PPP1R7: variants seen among roughly 807,000 people sequenced by gnomAD.
The protein encoded by PPP1R7 is protein phosphatase 1 regulatory subunit 7, also known as protein phosphatase 1 regulatory subunit 22.
PPP1R7 carries 18 observed loss-of-function variants against 45.2 expected under a neutral mutation model. The observed-to-expected ratio is 0.40, with a 90% confidence interval of 0.28 to 0.59. The LOEUF is 0.59. Ranked by LOEUF, PPP1R7 falls within the 20% of genes least tolerant of loss-of-function variation. PPP1R7 has a pLI of 0.46. For missense variants in PPP1R7, 314 were observed against 455.8 expected, an observed-to-expected ratio of 0.69 and a Z score of 2.83; for synonymous variants, 181 against 183.4, an observed-to-expected ratio of 0.99 and a Z score of 0.11.
At chr2:241,173,991 G>A (rs1356620578) in intron 9 of PPP1R7, among the ~76,000 whole-genome samples, 1 of 146,546 alleles carries the variant, frequency 6.8e-6, no homozygotes, top group Admixed American at 6.8e-5. Context: ...CCTTCTTCAC[G>A]TCTTGTAATT....
chr2:241,162,256 G>A (rs1385261666), intron 6 of PPP1R7, among the ~76,000 whole-genome samples: 1 of 152,202 alleles, frequency 6.6e-6, no homozygotes, highest in Non-Finnish European at 1.5e-5. Context: ...TCCTGCAGTG[G>A]TGTGTGGATT....
In PPP1R7 at chr2:241,162,440, A is replaced by G. The variant is rs566111270; in HGVS notation, c.598-845A>G. On this transcript the variant is annotated intron_variant, in intron 6 of 9. Transcript: ENST00000234038. ...GTCATTAAACATCCTGCTGTAGGCA[A>G]GTCACCATGGGGAGACCAGACAGGG... Among the ~76,000 whole-genome samples the G allele has an allele frequency of 2.0e-5, 3 of 152,348 alleles. No individual in the cohort carries two copies. The East Asian group carries it at 5.8e-4, about 29-fold the overall frequency.
chr2:241,170,840 C>A (rs188289930), intron 9 of PPP1R7, among the ~76,000 whole-genome samples: 2 of 152,166 alleles, frequency 1.3e-5, no homozygotes, highest in Non-Finnish European at 2.9e-5. Context: ...CTGGGAAGAT[C>A]AGAGCCAGAA....
At chr2:241,155,320 G>A (rs1009752641) in intron 2 of PPP1R7, 3 of 152,212 alleles carry the variant, frequency 2.0e-5, no homozygotes, top group African/African-American at 7.2e-5. Context: ...ACTCTCTGCA[G>A]CTTGTCCAAG....
At chr2:241,150,080 T>A, upstream of PPP1R7, 1 of 1,271,856 alleles carries the variant, frequency 7.9e-7, no homozygotes, top group African/African-American at 1.6e-5. Flanking sequence ...GCCCGCACCT[T>A]GCAGCCACGG....
upstream of PPP1R7, chr2:241,150,205 C>T (rs973868119): frequency 3.1e-6 from 4 of 1,275,296 alleles, no homozygotes; most frequent in Admixed American, 7.9e-5. Context: ...CTCCGTCTGC[C>T]TGCAGCTACG....
chr2:241,178,285 GCCTCTGTTTTCAA>G (rs2067941057), intron 9 of PPP1R7, among the ~76,000 whole-genome samples: 1 of 152,166 alleles, frequency 6.6e-6, no homozygotes, highest in Non-Finnish European at 1.5e-5. Context: ...TAACCCTGGC[GCCTCTGTTTTCAA>G]CCACTTTGTC....
chr2:241,163,260 C>T, intron 6 of PPP1R7, 25 bp from the exon 7 acceptor site: 1 of 1,514,594 alleles, frequency 6.6e-7, no homozygotes, highest in Non-Finnish European at 9.2e-7. Flanking sequence ...CTGCAGTACT[C>T]ATTGCTGTTC....
intron 8 of PPP1R7, among the ~76,000 whole-genome samples, chr2:241,166,651 C>G (rs1240084244): frequency 6.6e-6 from 1 of 152,242 alleles, no homozygotes; most frequent in Non-Finnish European, 1.5e-5. Context: ...CCTGTTGGCC[C>G]TCTGCCCTGA....
Position 241,183,583 on chromosome 2 carries a change from T to C in PPP1R7, c.*760T>C, listed in dbSNP as rs545060462. On this transcript the variant is annotated 3_prime_UTR_variant, in exon 10 of 10. Coordinates refer to ENST00000234038, the MANE Select transcript of PPP1R7 (RefSeq NM_002712.3). ...AAGGATCTGAACTCTTGGCCACTGG[T>C]ATAGTGGCCTCCTGTTCTCACCCCA... The C allele has an allele frequency of 2.6e-6, 1 of 381,158 alleles. No individual in the cohort carries two copies. Among genetic ancestry groups the C allele is most frequent in the South Asian group, 2.0e-5 (1 of 50,750 alleles). 23.6% of individuals were successfully genotyped at this position (381,158 alleles called of 1,614,324 possible).
At chr2:241,172,166 T>G (rs2067828006) in intron 9 of PPP1R7, among the ~76,000 whole-genome samples, 1 of 151,792 alleles carries the variant, frequency 6.6e-6, no homozygotes, top group Admixed American at 6.6e-5. Context: ...TTTTTTTTTT[T>G]GCAGTCTATT....
In PPP1R7 at chr2:241,158,555, AG is replaced by A. The variant is rs2067512586; in HGVS notation, c.303+9del. ...AGGTACTGAAGAAAGTGAAGGTGAG[AG>A]GGACTCTTATGAGGGGACTATGACG... On this transcript the variant is annotated splice_region_variant and intron_variant, in intron 4 of 9. Transcript: ENST00000234038. 6.2e-7 allele frequency: 1 copy of A among 1,610,998 alleles called. No individual in the cohort carries two copies. Among genetic ancestry groups the A allele is most frequent in the African/African-American group, 1.3e-5 (1 of 74,878 alleles).
At chr2:241,181,664 C>T (rs531222053) in intron 9 of PPP1R7, among the ~76,000 whole-genome samples, 1 of 152,144 alleles carries the variant, frequency 6.6e-6, no homozygotes, top group African/African-American at 2.4e-5. Flanking sequence ...CAGAGTAGAA[C>T]GCCCCTGCTT....
chr2:241,177,885 T>C (rs891675007), intron 9 of PPP1R7, among the ~76,000 whole-genome samples: 1 of 152,368 alleles, frequency 6.6e-6, no homozygotes, highest in African/African-American at 2.4e-5. Flanking sequence ...ATCTGCCCAC[T>C]GCCCTGCTGG....
At chr2:241,168,904 A>G (rs1363653364) in intron 8 of PPP1R7, among the ~76,000 whole-genome samples, 1 of 152,228 alleles carries the variant, frequency 6.6e-6, no homozygotes, top group Non-Finnish European at 1.5e-5. Context: ...TTGGAATTGG[A>G]ATACCAAAAA....
chr2:241,182,996 C>A lies in PPP1R7; in HGVS notation c.*173C>A. The A allele has an allele frequency of 3.0e-6, 2 of 672,874 alleles. No homozygotes were observed. Among genetic ancestry groups the A allele is most frequent in the Non-Finnish European group, 4.9e-6 (2 of 404,650 alleles). 41.7% of individuals were successfully genotyped at this position (672,874 alleles called of 1,614,324 possible). Reference sequence around the variant, plus strand: ...CGACGTCACACACCATTTTCAGATGCCGTTGCAATTAAATCTTGCCACACT... The same window carrying A: ...CGACGTCACACACCATTTTCAGATGACGTTGCAATTAAATCTTGCCACACT... On this transcript the variant is annotated 3_prime_UTR_variant, in exon 10 of 10. Coordinates refer to ENST00000234038, the MANE Select transcript of PPP1R7 (RefSeq NM_002712.3).
chr2:241,149,725 T>A (rs770269126), upstream of PPP1R7: 266 of 1,548,476 alleles, frequency 1.7e-4, no homozygotes, highest in Non-Finnish European at 2.1e-4. Context: ...AGCGCAGAGC[T>A]CGCCTCTTGG....
chr2:241,159,183 G>A, intron 4 of PPP1R7, 30 bp from the exon 5 acceptor site: 1 of 1,610,024 alleles, frequency 6.2e-7, no homozygotes, highest in Non-Finnish European at 8.5e-7. Context: ...CCCCTTGCCT[G>A]TGTCAATTGT....
intron 6 of PPP1R7, among the ~76,000 whole-genome samples, chr2:241,161,922 C>G (rs754072584): frequency 1.4e-4 from 21 of 152,214 alleles, no homozygotes; most frequent in Non-Finnish European, 2.9e-4. Flanking sequence ...GCAGCTGTGT[C>G]TAAGCACATC....
Sources: gnomAD v4.1 joint callset for allele counts (sites outside exome capture counted in the v4.1 genomes callset) on GRCh38, gnomAD v4.1.1 for gene constraint, MANE v1.5 for transcripts, NCBI Gene and HGNC (gene_info 2026-07-23, HGNC 2026-07-21) for gene names.